Variants in MDGA1 observed in about 807,000 individuals in gnomAD.
MDGA1 encodes the protein MAM domain-containing glycosylphosphatidylinositol anchor protein 1.
MDGA1 carries 54 observed loss-of-function variants against 101.5 expected under a neutral mutation model. The observed-to-expected ratio is 0.53, with a 90% CI of 0.43 to 0.67. The LOEUF (loss-of-function observed/expected upper bound fraction) is 0.67, where lower values mean the gene tolerates loss of function less well. Ranked by LOEUF, MDGA1 falls within the 30% of genes least tolerant of loss-of-function variation. The pLI is 0.00. For synonymous variants in MDGA1, 533 were observed against 558.3 expected (o/e 0.95, Z 0.64); for missense variants, 1,083 against 1,323.8 (o/e 0.82, Z 2.82).
In MDGA1 at chr6:37,647,288, G is replaced by T; in HGVS notation, c.1931C>A (p.Pro644His). The T allele has an allele frequency of 6.4e-7, 1 of 1,554,660 alleles. No homozygotes were observed. Among genetic ancestry groups the T allele is most frequent in the Middle Eastern group, 1.7e-4 (1 of 5,996 alleles). Reference sequence around the variant, plus strand: ...CAGCTTGTGGCTGCGGGTGGGGTTGGGGGTGTCGAAGTAAAACTCCGGGCT... The same window carrying T: ...CAGCTTGTGGCTGCGGGTGGGGTTGTGGGTGTCGAAGTAAAACTCCGGGCT... ...AYSPEFYFDT[P>H]NPTRSHKLSK... Residue 644 changes from proline to histidine, a missense_variant, in exon 10 of 17, where the codon CCC becomes CAC. Physicochemically the swap from Pro to His is moderately conservative, Grantham distance 77. This residue lies in a region of MDGA1 where 657 missense variants were observed against 771.4 expected (regional missense o/e 0.85). Coordinates refer to ENST00000434837, the MANE Select transcript of MDGA1 (RefSeq NM_153487.4).
At position 37,643,875 on chromosome 6, in the gene MDGA1, G is replaced by A. The variant is rs1320578407; in HGVS notation, c.2470C>T (p.Leu824Phe). 9 of 1,613,970 alleles carry A rather than the reference G, an allele frequency of 5.6e-6. No homozygotes were observed. The South Asian group carries it at 8.8e-5, about 16-fold the overall frequency. ...LGDRARLVSP[L>F]YNASAKFYCV... The stretch of plus-strand genomic sequence containing the variant: ...TAGAACTTGGCGCTGGCATTGTAGA[G>A]GGGACTCACTAACCTTGCACGGTCC... Residue 824 changes from leucine to phenylalanine, a missense_variant, in exon 14 of 17, where the codon CTC becomes TTC. Physicochemically the swap from Leu to Phe is conservative, Grantham distance 22. This residue lies in a region of MDGA1 where 657 missense variants were observed against 771.4 expected (regional missense o/e 0.85). Transcript: ENST00000434837.
At chr6:37,641,301 T>G (rs1488473542) in intron 14 of MDGA1, among the ~76,000 whole-genome samples, 1 of 152,204 alleles carries the variant, frequency 6.6e-6, no homozygotes, top group Non-Finnish European at 1.5e-5. Flanking sequence ...GGGCACCATC[T>G]AAGATTGATT....
At position 37,643,770 on chromosome 6, in the gene MDGA1, GCA is replaced by G. The variant is rs557168222; in HGVS notation, c.2536+37_2536+38del. The G allele has an allele frequency of 5.5e-5, 88 of 1,611,292 alleles. No individual in the cohort carries two copies. In the African/African-American group the frequency reaches 1.0e-3, roughly 18 times the overall value. On this transcript the variant is annotated intron_variant, in intron 14 of 16. Transcript: ENST00000434837. The stretch of plus-strand genomic sequence containing the variant: ...GACCCCACTCCCCTCCCATCCTCCA[GCA>G]CACACTTGGTGGAGACTACCTGGCC...
intron 2 of MDGA1, 33 bp from the exon 3 acceptor site, chr6:37,658,452 C>CA: frequency 6.3e-7 from 1 of 1,577,204 alleles, no homozygotes; most frequent in Non-Finnish European, 8.6e-7. Context: ...GTCAGACTGT[C>CA]AGACTCACAC....
At position 37,655,678 on chromosome 6, in the gene MDGA1, C is replaced by T. The variant is rs763749833; in HGVS notation, c.579+22G>A. ...TGGATGCAGGAGAAGTGGTATGGGG[C>T]GAGCCAGCTGCCCATCCTGACCTGA... On this transcript the variant is annotated intron_variant, in intron 4 of 16. Transcript: ENST00000434837. This position sits in a 1 kb window ranked among gnomAD's most constrained non-coding sequence, Gnocchi z 5.1. 15 of 1,576,162 alleles carry T rather than the reference C, an allele frequency of 9.5e-6. No individual in the cohort carries two copies. In the South Asian group the frequency reaches 1.1e-4, roughly 11 times the overall value.
In MDGA1 at chr6:37,696,048, G is replaced by A. The variant is rs1194254447; in HGVS notation, c.67+697C>T. Among the ~76,000 whole-genome samples, 11 of 152,206 alleles carry A rather than the reference G, an allele frequency of 7.2e-5. No homozygotes were observed. The highest frequency in any genetic ancestry group is 4.6e-4 in the Admixed American group (7 of 15,284). On this transcript the variant is annotated intron_variant, in intron 1 of 16. Coordinates refer to ENST00000434837, the MANE Select transcript of MDGA1 (RefSeq NM_153487.4). This position sits in a 1 kb window ranked among gnomAD's most constrained non-coding sequence, Gnocchi z 5.6. ...GAGGCAGAGTTTGGACACGTATCCC[G>A]GTGGGTGCGTGCCGTGTTTGCGTTT...
At chr6:37,658,780 G>A (rs1761554871) in intron 2 of MDGA1, among the ~76,000 whole-genome samples, 2 of 152,136 alleles carry the variant, frequency 1.3e-5, no homozygotes, top group Admixed American at 1.3e-4. Flanking sequence ...AGACCAGCCT[G>A]GCCAACATGG....
chr6:37,666,191 CAAAA>C (rs146449734), intron 1 of MDGA1, among the ~76,000 whole-genome samples: 20,259 of 122,240 alleles, frequency 0.17, 2,039 homozygotes, highest in East Asian at 0.39. Context: ...ACTAAAAATA[CAAAA>C]AAAAAAAAAA....
intron 3 of MDGA1, 24 bp downstream of exon 3, chr6:37,658,221 G>T: frequency 6.5e-7 from 1 of 1,547,754 alleles, no homozygotes; most frequent in Non-Finnish European, 8.7e-7. Context: ...TCAGGGCCCG[G>T]GGAGAGAGGG....
At position 37,638,274 on chromosome 6, in the gene MDGA1, C is replaced by T; in HGVS notation, c.2707G>A (p.Asp903Asn). The T allele has an allele frequency of 6.2e-7, 1 of 1,613,206 alleles. No homozygotes were observed. The highest frequency in any genetic ancestry group is 8.5e-7 in the Non-Finnish European group (1 of 1,179,624). The change falls in exon 16 of 17, where the codon GAT becomes AAT. Residue 903 changes from aspartate (D) to asparagine (N), a missense_variant. Coordinates refer to ENST00000434837, the MANE Select transcript of MDGA1 (RefSeq NM_153487.4). This position sits in a 1 kb window ranked among gnomAD's most constrained non-coding sequence, Gnocchi z 4.8. ...EGVRGPGYLGDIAIDDVTLKK... is the reference protein window; with the variant it reads ...EGVRGPGYLGNIAIDDVTLKK... Reference sequence around the variant, plus strand: ...AGTGTGACGTCATCTATGGCAATATCCCCCAGGTAGCCCGGGCCTCGAACC... The same window carrying T: ...AGTGTGACGTCATCTATGGCAATATTCCCCAGGTAGCCCGGGCCTCGAACC...
In MDGA1 at chr6:37,678,621, T is replaced by C. The variant is rs115949014; in HGVS notation, c.68-14515A>G. Among the ~76,000 whole-genome samples the C allele has an allele frequency of 2.7e-3, 404 of 152,132 alleles. 3 individuals are homozygous for C. The highest frequency in any genetic ancestry group is 9.3e-3 in the African/African-American group (387 of 41,488). ...CCCCACTCCAGCCACATTGCCCTCT[T>C]TGTCAGTCTTCAAGCAGGCCTGGCC... is the stretch of plus-strand genomic sequence containing the variant. On this transcript the variant is annotated intron_variant, in intron 1 of 16. Transcript: ENST00000434837.
At chr6:37,661,115 C>A (rs1164866215) in intron 2 of MDGA1, among the ~76,000 whole-genome samples, 1 of 152,194 alleles carries the variant, frequency 6.6e-6, no homozygotes, top group African/African-American at 2.4e-5. Flanking sequence ...GGTCCTCATT[C>A]ATAGATGATG....
Position 37,696,771 on chromosome 6 carries a change from A to G in MDGA1, c.41T>C (p.Phe14Ser). ...TCLLLLALIPFHCRGQGVYAP... is the reference protein window; with the variant it reads ...TCLLLLALIPSHCRGQGVYAP... ...GTAGACTCCTTGTCCCCGGCAGTGG[A>G]AGGGGATCAGCGCCAGAAGTAGAAG... Residue 14 changes from phenylalanine to serine, a missense_variant, in exon 1 of 17, where the codon TTC (phenylalanine) becomes TCC (serine). This residue lies in a region of MDGA1 where 310 missense variants were observed against 355.9 expected (regional missense o/e 0.87). Transcript: ENST00000434837. The surrounding 1 kb of genome is among the most constrained non-coding windows in gnomAD (Gnocchi z 5.6). The G allele has an allele frequency of 6.3e-7, 1 of 1,584,830 alleles. No individual in the cohort carries two copies.
At chr6:37,689,256 A>C (rs1048812685) in intron 1 of MDGA1, among the ~76,000 whole-genome samples, 13 of 152,024 alleles carry the variant, frequency 8.6e-5, no homozygotes, top group African/African-American at 3.1e-4. Flanking sequence ...ATCCCTGGCA[A>C]TTTTATTCCA....
chr6:37,684,583 C>T (rs564622875), intron 1 of MDGA1, among the ~76,000 whole-genome samples: 4 of 152,326 alleles, frequency 2.6e-5, no homozygotes, highest in African/African-American at 9.6e-5. Flanking sequence ...ACTTCAGCCT[C>T]GGCACCTAAT....
intron 1 of MDGA1, among the ~76,000 whole-genome samples, chr6:37,686,429 G>C (rs1275461728): frequency 7.7e-6 from 1 of 129,746 alleles, no homozygotes; most frequent in Non-Finnish European, 1.6e-5. Flanking sequence ...TGTGCAACCT[G>C]GGCTTTTTTT....
chr6:37,642,147 G>GTGTATATATA (rs1554132385), intron 14 of MDGA1, among the ~76,000 whole-genome samples: 4 of 135,394 alleles, frequency 3.0e-5, no homozygotes, highest in African/African-American at 5.5e-5. Flanking sequence ...TTATATATAT[G>GTGTATATATA]TATATATATA....
chr6:37,672,471 G>A (rs955904650), intron 1 of MDGA1, among the ~76,000 whole-genome samples: 1 of 152,172 alleles, frequency 6.6e-6, no homozygotes, highest in Admixed American at 6.5e-5. Context: ...AATCAATGAA[G>A]AGGACTGTTG....
In MDGA1 at chr6:37,635,685, AATGCTCCAGAAGGAGCCCTGTG is replaced by A. The variant is rs1763913246; in HGVS notation, c.*1661_*1682del. 1 of 398,628 alleles carries A rather than the reference AATGCTCCAGAAGGAGCCCTGTG, an allele frequency of 2.5e-6. No individual in the cohort carries two copies. Among genetic ancestry groups the A allele is most frequent in the Admixed American group, 4.4e-5 (1 of 22,732 alleles). 24.7% of individuals were successfully genotyped at this position (398,628 alleles called of 1,614,324 possible). ...CTCTTCTCTGCAGCTGTCCCCACCA[AATGCTCCAGAAGGAGCCCTGTG>A]ATGCTCCTCACCAAAGGTGCTTGCA... On this transcript the variant is annotated 3_prime_UTR_variant, in exon 17 of 17. Coordinates refer to ENST00000434837, the MANE Select transcript of MDGA1 (RefSeq NM_153487.4).
Sources: allele counts gnomAD v4.1 joint callset (sites outside exome capture counted in the v4.1 genomes callset), GRCh38; gene constraint gnomAD v4.1.1; regional missense constraint gnomAD v4.1.1; non-coding constraint Gnocchi (gnomAD v3.1); transcripts MANE v1.5; gene names NCBI Gene and HGNC (gene_info 2026-07-23, HGNC 2026-07-21).